NOP14: variants seen among roughly 807,000 people sequenced by gnomAD.
NOP14 encodes the protein nucleolar protein 14.
Under a neutral mutation model 101.6 loss-of-function variants are expected in NOP14, and 57 were observed. The observed-to-expected ratio is 0.56, with a 90% CI of 0.45 to 0.70. NOP14 has a LOEUF of 0.70. NOP14 is among the 30% of genes least tolerant of loss of function. NOP14 has a pLI of 0.00. For synonymous variants in NOP14, 428 were observed against 424.0 expected (o/e 1.01, Z -0.12); for missense variants, 1,134 against 1,075.5 (o/e 1.05, Z -0.76).
rs896730320 is a variant in NOP14, at chr4:2,937,960, T to C, written c.*871A>G. The stretch of plus-strand genomic sequence containing the variant: ...GTTTCATTTATAATTGAAAATATAA[T>C]TTGCATAACAACAGTAAATTCTACA... On this transcript the variant is annotated 3_prime_UTR_variant, in exon 18 of 18. Coordinates refer to ENST00000416614, the MANE Select transcript of NOP14 (RefSeq NM_001291978.2). The C allele has an allele frequency of 1.5e-5, 3 of 201,858 alleles. No individual in the cohort carries two copies. The South Asian group carries it at 1.8e-4, about 12-fold the overall frequency. 12.5% of individuals were successfully genotyped at this position (201,858 alleles called of 1,614,324 possible).
intron 13 of NOP14, 108 bp from the exon 14 acceptor site, chr4:2,942,459 G>T: frequency 8.9e-7 from 1 of 1,127,890 alleles, no homozygotes; most frequent in Non-Finnish European, 1.3e-6. Context: ...GACGCACACC[G>T]ATTTTTATGT....
rs148339291 is a variant in NOP14 at position 2,941,793 on chromosome 4, C to G, written c.2052-64G>C. ...TGTTTGTCACTGACAAAACCAATAA[C>G]GTGGCAAAAATGAACTTCCCCACTT... is the stretch of plus-strand genomic sequence containing the variant. On this transcript the variant is annotated intron_variant, in intron 14 of 17. Coordinates refer to ENST00000416614, the MANE Select transcript of NOP14 (RefSeq NM_001291978.2). The G allele has an allele frequency of 6.8e-4, 1,055 of 1,543,420 alleles. 4 individuals are homozygous for G. Among genetic ancestry groups the G allele is most frequent in the Middle Eastern group, 4.9e-3 (28 of 5,718 alleles).
Position 2,947,565 on chromosome 4 carries a change from T to TC in NOP14, c.1459dup (p.Asp487GlyfsTer2). The stretch of plus-strand genomic sequence containing the variant: ...AATGACTGTGAGGTCTGGTGGGTCA[T>TC]CTGTAGCCAAATCGCCAACGTATTC... On this transcript the variant is annotated frameshift_variant, in exon 10 of 18. Coordinates refer to ENST00000416614, the MANE Select transcript of NOP14 (RefSeq NM_001291978.2). LOFTEE classifies it high-confidence loss of function. The TC allele has an allele frequency of 6.2e-7, 1 of 1,614,166 alleles. No homozygotes were observed.
intron 13 of NOP14, 106 bp from the exon 14 acceptor site, chr4:2,942,457 C>T (rs1714282766): frequency 8.6e-7 from 1 of 1,156,254 alleles, no homozygotes; most frequent in African/African-American, 1.5e-5. Context: ...CAGACGCACA[C>T]CGATTTTTAT....
chr4:2,961,575 T>A (rs1715911209), intron 1 of NOP14: 1 of 152,014 alleles, frequency 6.6e-6, no homozygotes, highest in East Asian at 1.9e-4. Context: ...AAGCTTGGAG[T>A]CAACTGGACG....
chr4:2,957,867 G>A (rs752541150), intron 1 of NOP14, 127 bp from the exon 2 acceptor site: 9 of 891,250 alleles, frequency 1.0e-5, no homozygotes, highest in Non-Finnish European at 1.5e-5. Flanking sequence ...CACCCAATCT[G>A]CTTTCATGCA....
chr4:2,949,174 A>G (rs1337072380), intron 8 of NOP14, among the ~76,000 whole-genome samples: 1 of 152,174 alleles, frequency 6.6e-6, no homozygotes, highest in African/African-American at 2.4e-5. Context: ...GCACAGAATA[A>G]TTCGGCATTG....
At position 2,938,233 on chromosome 4, in the gene NOP14, A is replaced by G. The variant is rs1713808131; in HGVS notation, c.*598T>C. 5.4e-6 allele frequency: 7 copies of G among 1,288,956 alleles called. No homozygotes were observed. The highest frequency in any genetic ancestry group is 5.1e-6 in the Non-Finnish European group (5 of 988,602). 79.8% of individuals were successfully genotyped at this position (1,288,956 alleles called of 1,614,324 possible). A position where few individuals can be genotyped will look rare whatever the true frequency, so the allele number is the denominator to read the frequency against. On this transcript the variant is annotated 3_prime_UTR_variant, in exon 18 of 18. Transcript: ENST00000416614. ...CAACATTATAGCATTATTACTCTAA[A>G]AAAAATTACTTTTTTGGCTGGGTGC...
In NOP14 at chr4:2,938,604, C is replaced by G; in HGVS notation, c.*227G>C. ...GCTCACTGTAACCTTGGACTCAGCT[C>G]AAGCAGTCCTCCTGCTTCAGCCTCC... On this transcript the variant is annotated 3_prime_UTR_variant, in exon 18 of 18. Coordinates refer to ENST00000416614, the MANE Select transcript of NOP14 (RefSeq NM_001291978.2). 1 of 541,540 alleles carries G rather than the reference C, an allele frequency of 1.8e-6. No homozygotes were observed. The highest frequency in any genetic ancestry group is 2.2e-5 in the South Asian group (1 of 46,292). The allele number at this position is 541,540 out of a possible 1,614,324, so 33.5% of individuals were successfully genotyped here.
At position 2,938,256 on chromosome 4, in the gene NOP14, T is replaced by C; in HGVS notation, c.*575A>G. 7.8e-7 allele frequency: 1 copy of C among 1,287,500 alleles called. No individual in the cohort carries two copies. Among genetic ancestry groups the C allele is most frequent in the Non-Finnish European group, 1.0e-6 (1 of 987,336 alleles). 79.8% of individuals were successfully genotyped at this position (1,287,500 alleles called of 1,614,324 possible). A position where few individuals can be genotyped will look rare whatever the true frequency, so the allele number is the denominator to read the frequency against. ...AAAAAAAATTACTTTTTTGGCTGGG[T>C]GCTGTGGCTCACACCTATAATTGGG... On this transcript the variant is annotated 3_prime_UTR_variant, in exon 18 of 18. Coordinates refer to ENST00000416614, the MANE Select transcript of NOP14 (RefSeq NM_001291978.2).
At chr4:2,956,427 T>C (rs1043367926) in intron 3 of NOP14, among the ~76,000 whole-genome samples, 11 of 152,022 alleles carry the variant, frequency 7.2e-5, no homozygotes, top group African/African-American at 2.7e-4. Context: ...ATAATGGATA[T>C]CAACATGCTT....
chr4:2,941,935 C>G (rs528049411), intron 14 of NOP14: 2 of 656,016 alleles, frequency 3.0e-6, no homozygotes, highest in Non-Finnish European at 5.1e-6. Flanking sequence ...CTGTGGGAAC[C>G]GCAGCGCCAG....
chr4:2,938,961 T>C, intron 17 of NOP14, 31 bp from the exon 18 acceptor site: 2 of 1,594,428 alleles, frequency 1.3e-6, no homozygotes, highest in Non-Finnish European at 1.7e-6. Flanking sequence ...ATGCCCATTT[T>C]TGGATTAGTT....
chr4:2,948,792 T>C (rs1321549313), intron 8 of NOP14, among the ~76,000 whole-genome samples: 1 of 152,228 alleles, frequency 6.6e-6, no homozygotes, highest in African/African-American at 2.4e-5. Context: ...CTTACATGTC[T>C]GCTGACAGAG....
chr4:2,956,530 A>G, intron 3 of NOP14, 140 bp downstream of exon 3: 1 of 818,840 alleles, frequency 1.2e-6, no homozygotes, highest in South Asian at 2.8e-5. Flanking sequence ...TCACTTGTGA[A>G]ATTTGTAGAG....
In NOP14 at chr4:2,956,653, C is replaced by G. The variant is rs2109311844; in HGVS notation, c.472+17G>C. The G allele has an allele frequency of 6.2e-7, 1 of 1,606,588 alleles. No homozygotes were observed. The highest frequency in any genetic ancestry group is 2.2e-5 in the East Asian group (1 of 44,812). ...GACTCCACGCCCACAGGCCCGTGCA[C>G]AGCACCCCAGCCTCACCAGACAACG... is the stretch of plus-strand genomic sequence containing the variant. On this transcript the variant is annotated intron_variant, in intron 3 of 17. Transcript: ENST00000416614.
chr4:2,944,311 C>T (rs1401821308), intron 12 of NOP14, 85 bp from the exon 13 acceptor site: 16 of 1,270,776 alleles, frequency 1.3e-5, no homozygotes, highest in East Asian at 1.2e-4. Flanking sequence ...TGATGAACCA[C>T]GCACCCCACT....
chr4:2,955,197 C>T (rs1401489181), intron 3 of NOP14, among the ~76,000 whole-genome samples: 1 of 73,204 alleles, frequency 1.4e-5, no homozygotes, highest in Non-Finnish European at 2.7e-5. Context: ...CCTCTAGTCA[C>T]CTGGACCACG....
rs1213976204 is a variant in NOP14 at position 2,963,299 on chromosome 4, G to A, written c.21C>T (p.Val7=). 6.3e-7 allele frequency: 1 copy of A among 1,591,788 alleles called. No individual in the cohort carries two copies. The highest frequency in any genetic ancestry group is 8.5e-7 in the Non-Finnish European group (1 of 1,172,182). Residue 7 remains valine, a synonymous_variant, in exon 1 of 18, where the codon GTC becomes GTT. Transcript: ENST00000416614. The part of the protein sequence containing the change: MAKAKK[V]GARRKASGAP... Reference sequence around the variant, plus strand: ...CCCCGGAGGCCTTCCTTCGCGCCCCGACCTTCTTCGCCTTCGCCATGGCGC... The same window carrying A: ...CCCCGGAGGCCTTCCTTCGCGCCCCAACCTTCTTCGCCTTCGCCATGGCGC...
Sources: gnomAD v4.1 joint callset for allele counts (sites outside exome capture counted in the v4.1 genomes callset) on GRCh38, gnomAD v4.1.1 for gene constraint, MANE v1.5 for transcripts, NCBI Gene and HGNC (gene_info 2026-07-23, HGNC 2026-07-21) for gene names.